The following TOGARAM2 variants were observed in gnomAD, a reference collection of about 807,000 sequenced individuals.
TOGARAM2 encodes the protein TOG array regulator of axonemal microtubules 2, also known as TOG array regulator of axonemal microtubules protein 2.
In TOGARAM2, 85 loss-of-function variants were observed where a neutral mutation model predicts 93.3. The observed-to-expected ratio is 0.91, with a 90% CI of 0.76 to 1.09. The LOEUF (loss-of-function observed/expected upper bound fraction) is 1.09. Ranked by LOEUF, TOGARAM2 falls within the 50% of genes least tolerant of loss-of-function variation. The pLI is 0.00. For synonymous variants in TOGARAM2, 593 were observed against 552.8 expected (o/e 1.07, Z -1.02); for missense variants, 1,277 against 1,334.5 (o/e 0.96, Z 0.67).
At position 29,045,362 on chromosome 2, in the gene TOGARAM2, C is replaced by T. The variant is rs756772607; in HGVS notation, c.2674C>T (p.Arg892Cys). 45 of 1,613,598 alleles carry T rather than the reference C, an allele frequency of 2.8e-5. No homozygotes were observed. The highest frequency in any genetic ancestry group is 3.5e-5 in the Non-Finnish European group (41 of 1,179,884). Residue 892 changes from arginine (R) to cysteine (C), a missense_variant, in exon 19 of 20, where the codon CGT becomes TGT. Physicochemically the swap from Arg to Cys is radical, Grantham distance 180. Coordinates refer to ENST00000379558, the MANE Select transcript of TOGARAM2 (RefSeq NM_199280.4). ...CLLPALAGRV[R>C]FLSGRAVLDV... ...TCTACCAGCGCTTGCTGGGCGAGTG[C>T]GTTTCCTGAGTGGCCGTGCGGTGCT...
chr2:29,015,057 T>C (rs796362184), intron 8 of TOGARAM2, among the ~76,000 whole-genome samples: 1 of 152,164 alleles, frequency 6.6e-6, no homozygotes, highest in Non-Finnish European at 1.5e-5. Flanking sequence ...TCTTCCCTGG[T>C]TGGAACGAAT....
chr2:29,018,040 G>A lies in TOGARAM2; in HGVS notation c.1360+84G>A, dbSNP rs77325856. 2.2e-4 allele frequency: 323 copies of A among 1,437,702 alleles called. 1 individual carries two copies. In the African/African-American group the frequency reaches 4.1e-3, roughly 18 times the overall value. 89.1% of individuals were successfully genotyped at this position (1,437,702 alleles called of 1,614,324 possible). Reference sequence around the variant, plus strand: ...CCTGAGGCATGGCAGAGGTGACCTCGGTGGCTTTGCTTCCGCCCCTTGTCC... The same window carrying A: ...CCTGAGGCATGGCAGAGGTGACCTCAGTGGCTTTGCTTCCGCCCCTTGTCC... On this transcript the variant is annotated intron_variant, in intron 10 of 19. Transcript: ENST00000379558.
At chr2:29,014,723 C>A (rs542414932) in intron 8 of TOGARAM2, among the ~76,000 whole-genome samples, 162 bp downstream of exon 8, 2 of 151,414 alleles carry the variant, frequency 1.3e-5, no homozygotes, top group Non-Finnish European at 2.9e-5. Context: ...AACCTGCAGA[C>A]GGGGTTGGGG....
chr2:28,990,991 G>GGT (rs70958233), intron 1 of TOGARAM2, among the ~76,000 whole-genome samples: 8,318 of 119,668 alleles, frequency 0.07, 360 homozygotes, highest in East Asian at 0.16. Flanking sequence ...GTGTGTGAAG[G>GGT]GTGTGTGTGT....
chr2:28,979,518 C>G (rs1192412031), upstream of TOGARAM2, among the ~76,000 whole-genome samples: 1 of 152,212 alleles, frequency 6.6e-6, no homozygotes, highest in African/African-American at 2.4e-5. Context: ...TATCCATCCT[C>G]CCTTATTGCA....
In TOGARAM2 at chr2:29,003,676, G is replaced by A. The variant is rs781395884; in HGVS notation, c.824G>A (p.Arg275His). 3.9e-6 allele frequency: 6 copies of A among 1,536,530 alleles called. No individual in the cohort carries two copies. The highest frequency in any genetic ancestry group is 1.4e-5 in the African/African-American group (1 of 70,630). Residue 275 changes from arginine (R) to histidine (H), a missense_variant, in exon 6 of 20, where the codon CGC (arginine) becomes CAC (histidine). Coordinates refer to ENST00000379558, the MANE Select transcript of TOGARAM2 (RefSeq NM_199280.4). ...QGVLTGLRAP[R>H]TRLARGSGPR... ...GTCCTCACAGGCCTGAGGGCCCCAC[G>A]CACGCGGTAAGAGCTCCAAGTCAAA... is the stretch of plus-strand genomic sequence containing the variant.
At chr2:29,051,695 G>T (rs1667078123) in intron 19 of TOGARAM2, 61 bp from the exon 20 acceptor site, 2 of 1,372,210 alleles carry the variant, frequency 1.5e-6, no homozygotes, top group Admixed American at 2.9e-5. Context: ...TGTCCCAAGA[G>T]AGGGAAGTGG....
intron 1 of TOGARAM2, among the ~76,000 whole-genome samples, chr2:28,992,857 T>G (rs1414369706): frequency 6.6e-6 from 1 of 152,034 alleles, no homozygotes; most frequent in Non-Finnish European, 1.5e-5. Flanking sequence ...GCCAGAAGTT[T>G]GAGACCAGCC....
chr2:28,957,288 C>T (rs985810709), intron 1 of TOGARAM2, among the ~76,000 whole-genome samples: 5 of 151,844 alleles, frequency 3.3e-5, no homozygotes, highest in Admixed American at 6.6e-5. Flanking sequence ...TTTCTTCTCC[C>T]GGATTCAAGC....
chr2:29,029,216 TCAA>T (rs977057819), intron 14 of TOGARAM2, among the ~76,000 whole-genome samples: 1 of 151,652 alleles, frequency 6.6e-6, no homozygotes, highest in Non-Finnish European at 1.5e-5. Flanking sequence ...TCATCATCAA[TCAA>T]CGAGTGGCTA....
chr2:28,997,917 G>A (rs559353317), intron 2 of TOGARAM2, among the ~76,000 whole-genome samples: 1 of 152,330 alleles, frequency 6.6e-6, no homozygotes, highest in Non-Finnish European at 1.5e-5. Context: ...GCCAGGCTGA[G>A]AGGCTGGGGC....
intron 1 of TOGARAM2, among the ~76,000 whole-genome samples, chr2:28,965,212 A>G (rs1185262895): frequency 3.3e-5 from 5 of 152,002 alleles, no homozygotes; most frequent in African/African-American, 9.7e-5. Flanking sequence ...TTTTTATCCA[A>G]TTGAACTCTT....
intron 6 of TOGARAM2, among the ~76,000 whole-genome samples, chr2:29,010,027 AGG>A (rs1491230535): frequency 7.8e-5 from 4 of 51,182 alleles, no homozygotes; most frequent in African/African-American, 2.5e-4. Flanking sequence ...TGCTCAGAGC[AGG>A]TGTGTGTGTG....
At chr2:28,990,581 G>T (rs538755159) in intron 1 of TOGARAM2, among the ~76,000 whole-genome samples, 2 of 152,232 alleles carry the variant, frequency 1.3e-5, no homozygotes, top group South Asian at 4.1e-4. Context: ...CTTCCTACCC[G>T]TTTAGACCCC....
In TOGARAM2 at chr2:29,036,750, G is replaced by C; in HGVS notation, c.2628G>C (p.Glu876Asp). 1 of 1,612,312 alleles carries C rather than the reference G, an allele frequency of 6.2e-7. No homozygotes were observed. Among genetic ancestry groups the C allele is most frequent in the African/African-American group, 1.3e-5 (1 of 75,014 alleles). The part of the protein sequence containing the change: ...AAVAVLDAMV[E>D]SLDNLCLLPA... Reference sequence around the variant, plus strand: ...TGGCTGTGCTGGATGCGATGGTTGAGAGCCTGGGTGAGTGTCCCACGTGGG... The same window carrying C: ...TGGCTGTGCTGGATGCGATGGTTGACAGCCTGGGTGAGTGTCCCACGTGGG... Residue 876 changes from glutamate to aspartate, a missense_variant, in exon 18 of 20, where the codon GAG becomes GAC. Transcript: ENST00000379558.
At chr2:28,974,358 C>G (rs923416040) in intron 1 of TOGARAM2, among the ~76,000 whole-genome samples, 2 of 152,144 alleles carry the variant, frequency 1.3e-5, no homozygotes, top group Admixed American at 1.3e-4. Flanking sequence ...GAACCCCTGA[C>G]CTCAAGTGAT....
intron 14 of TOGARAM2, 84 bp from the exon 15 acceptor site, chr2:29,032,850 T>G (rs1053101243): frequency 4.0e-5 from 44 of 1,108,774 alleles, no homozygotes; most frequent in Non-Finnish European, 5.1e-5. Flanking sequence ...TCTCTTTAAT[T>G]AGGAAGATTA....
intron 6 of TOGARAM2, among the ~76,000 whole-genome samples, chr2:29,005,780 ATC>A (rs768899574): frequency 4.9e-5 from 2 of 40,904 alleles, no homozygotes; most frequent in Non-Finnish European, 1.6e-4. Flanking sequence ...TGTGTGGAGT[ATC>A]TGTGTGTGCA....
At position 28,957,000 on chromosome 2, in the gene TOGARAM2, C is replaced by A. The variant is rs922961919; in HGVS notation, c.-147+303C>A. 1.3e-5 allele frequency among the ~76,000 whole-genome samples: 2 copies of A among 151,946 alleles called. No homozygotes were observed. Among genetic ancestry groups the A allele is most frequent in the Non-Finnish European group, 2.9e-5 (2 of 68,006 alleles). On this transcript the variant is annotated intron_variant, in intron 1 of 6. Transcript: ENST00000401723. The surrounding 1 kb of genome is among the most constrained non-coding windows in gnomAD (Gnocchi z 4.5). ...ATTGGCCGGGAATGGTGGAGGGCAT[C>A]TGTAATCCCAGGAGAATTGCTTGAA...
Sources: gnomAD v4.1 joint callset for allele counts (sites outside exome capture counted in the v4.1 genomes callset) on GRCh38, gnomAD v4.1.1 for gene constraint, Gnocchi (gnomAD v3.1) non-coding constraint, MANE v1.5 for transcripts, NCBI Gene and HGNC (gene_info 2026-07-23, HGNC 2026-07-21) for gene names.